IL16: variants seen among roughly 807,000 people sequenced by gnomAD.
IL16 encodes interleukin 16, also known as pro-interleukin-16.
In IL16, 67 loss-of-function variants were observed where a neutral mutation model predicts 110.1. That is an observed-to-expected ratio of 0.61 (90% CI 0.50 to 0.75). The LOEUF is 0.75. Ranked by LOEUF, IL16 falls within the 30% of genes least tolerant of loss-of-function variation. The probability of loss-of-function intolerance (pLI) is 0.00; values close to 1 mark genes in which losing one functional copy is unlikely to be tolerated. For synonymous variants in IL16, 689 were observed against 662.9 expected, an observed-to-expected ratio of 1.04 and a Z score of -0.61; for missense variants, 1,545 against 1,655.0, an observed-to-expected ratio of 0.93 and a Z score of 1.15.
chr15:81,299,126 A>G (rs1416861991), intron 13 of IL16, among the ~76,000 whole-genome samples: 8 of 152,148 alleles, frequency 5.3e-5, no homozygotes, highest in Non-Finnish European at 1.0e-4. Context: ...CGGCCCAGAT[A>G]TTCTCTGAGC....
intron 13 of IL16, among the ~76,000 whole-genome samples, chr15:81,297,791 G>A (rs1413049202): frequency 1.3e-5 from 2 of 152,142 alleles, no homozygotes; most frequent in Admixed American, 1.3e-4. Context: ...ATGCTGGGGG[G>A]AGAGAGAGAA....
intron 1 of IL16, among the ~76,000 whole-genome samples, chr15:81,207,755 CT>C (rs1268312942): frequency 4.0e-5 from 6 of 151,586 alleles, no homozygotes; most frequent in African/African-American, 1.5e-4. Context: ...ACCACATTTT[CT>C]TTACTCCACC....
At chr15:81,214,594 T>C (rs1490396205) in intron 1 of IL16, among the ~76,000 whole-genome samples, 1 of 152,128 alleles carries the variant, frequency 6.6e-6, no homozygotes, top group African/African-American at 2.4e-5. Flanking sequence ...CTGGTGACTA[T>C]GTGTCTTGGT....
At chr15:81,247,504 T>C (rs1396098666) in intron 2 of IL16, among the ~76,000 whole-genome samples, 1 of 152,190 alleles carries the variant, frequency 6.6e-6, no homozygotes, top group Admixed American at 6.5e-5. Flanking sequence ...AAAACCTTTT[T>C]CTTTTCGAGT....
chr15:81,266,197 A>G (rs1239460109), intron 4 of IL16, among the ~76,000 whole-genome samples: 2 of 152,168 alleles, frequency 1.3e-5, no homozygotes, highest in Non-Finnish European at 2.9e-5. Context: ...GCACATTCAC[A>G]CTGTTGAGGA....
intron 11 of IL16, chr15:81,292,101 C>T (rs1223221184): frequency 2.5e-6 from 1 of 392,198 alleles, no homozygotes; most frequent in East Asian, 7.2e-5. Context: ...GCTCTGCAGC[C>T]AAAGTCCCCA....
chr15:81,268,407 G>T (rs1396881941), intron 4 of IL16, among the ~76,000 whole-genome samples: 1 of 152,230 alleles, frequency 6.6e-6, no homozygotes, highest in Non-Finnish European at 1.5e-5. Context: ...CAGATACAGA[G>T]GCCAGGCTGA....
chr15:81,281,096 A>T lies in IL16; in HGVS notation c.1081+1322A>T, dbSNP rs529304545. ...ATCTTATGCAATTCTGACGCCCATTAGACTGAAAAACTTGCTCTAGTCAGG... is the reference window on the plus strand; with the variant it reads ...ATCTTATGCAATTCTGACGCCCATTTGACTGAAAAACTTGCTCTAGTCAGG... On this transcript the variant is annotated intron_variant, in intron 8 of 18. Coordinates refer to ENST00000683961, the MANE Select transcript of IL16 (RefSeq NM_172217.5). Among the ~76,000 whole-genome samples, 30 of 152,356 alleles carry T rather than the reference A, an allele frequency of 2.0e-4. 1 individual carries two copies. The South Asian group carries it at 4.4e-3, about 22-fold the overall frequency.
Position 81,243,163 on chromosome 15 carries a change from A to ATTTTTT in IL16, c.313-16584_313-16579dup, listed in dbSNP as rs1219851899. ...TATAAGTATATATATATATATATAT[A>ATTTTTT]TTTTTTTTTTTTTTTTTTTTTTTTT... On this transcript the variant is annotated intron_variant, in intron 2 of 18. Transcript: ENST00000683961. Among the ~76,000 whole-genome samples the ATTTTTT allele has an allele frequency of 4.3e-3, 65 of 15,034 alleles. 15 individuals carry two copies. The highest frequency in any genetic ancestry group is 6.7e-3 in the Non-Finnish European group (55 of 8,236). 9.9% of individuals were successfully genotyped at this position (15,034 alleles called of 152,430 possible). A position where few individuals can be genotyped will look rare whatever the true frequency, so the allele number is the denominator to read the frequency against.
chr15:81,281,748 A>G (rs1295606027), intron 8 of IL16, among the ~76,000 whole-genome samples: 2 of 152,198 alleles, frequency 1.3e-5, no homozygotes. Context: ...TCTCCAAGTT[A>G]TTTTGATTTT....
At chr15:81,246,162 CAG>C (rs1897540712) in intron 2 of IL16, among the ~76,000 whole-genome samples, 1 of 152,036 alleles carries the variant, frequency 6.6e-6, no homozygotes, top group Admixed American at 6.6e-5. Context: ...ATTAAAGAAA[CAG>C]AGTGGTTTTA....
intron 10 of IL16, among the ~76,000 whole-genome samples, chr15:81,289,424 C>T (rs1899604999): frequency 6.6e-6 from 1 of 152,174 alleles, no homozygotes; most frequent in Admixed American, 6.5e-5. Flanking sequence ...CATGAGCTAC[C>T]ATGCCCAGCC....
Position 81,196,950 on chromosome 15 carries a change from G to C in IL16, c.-304G>C, listed in dbSNP as rs773516652. 2.4e-6 allele frequency: 3 copies of C among 1,262,716 alleles called. No individual in the cohort carries two copies. The highest frequency in any genetic ancestry group is 1.6e-5 in the African/African-American group (1 of 64,416). The allele number at this position is 1,262,716 out of a possible 1,614,324, so 78.2% of individuals were successfully genotyped here. On this transcript the variant is annotated 5_prime_UTR_variant, in exon 1 of 19. Coordinates refer to ENST00000683961, the MANE Select transcript of IL16 (RefSeq NM_172217.5). Reference sequence around the variant, plus strand: ...TCCTACTCACGGCATCTCAACTATCGGAGCCTGGGATCTGACTCAAAGGCC... The same window carrying C: ...TCCTACTCACGGCATCTCAACTATCCGAGCCTGGGATCTGACTCAAAGGCC...
At chr15:81,187,669 G>C (rs752884641) in intron 1 of IL16, among the ~76,000 whole-genome samples, 8 of 152,116 alleles carry the variant, frequency 5.3e-5, no homozygotes, top group Non-Finnish European at 8.8e-5. Context: ...TTCAATTTTT[G>C]CTGATAATAC....
upstream of IL16, among the ~76,000 whole-genome samples, chr15:81,193,358 C>T (rs1239948698): frequency 1.3e-5 from 2 of 151,878 alleles, no homozygotes; most frequent in Non-Finnish European, 2.9e-5. Flanking sequence ...TAAGTTAAAC[C>T]CCAGCTGAAG....
chr15:81,289,087 C>T (rs894537426), intron 10 of IL16, among the ~76,000 whole-genome samples: 1 of 152,112 alleles, frequency 6.6e-6, no homozygotes, highest in African/African-American at 2.4e-5. Context: ...CACCATTTTA[C>T]ATTCTTATCA....
chr15:81,190,692 G>A (rs2141920746), intron 1 of IL16, among the ~76,000 whole-genome samples: 1 of 152,216 alleles, frequency 6.6e-6, no homozygotes, highest in African/African-American at 2.4e-5. Flanking sequence ...GAAGTTGAGG[G>A]GCCAAAGAAA....
exon 1 of IL16, chr15:81,182,817 A>T: frequency 7.8e-7 from 1 of 1,278,358 alleles, no homozygotes. Flanking sequence ...GTTTGGAGGA[A>T]CTTTTCACAG....
At chr15:81,211,238 A>T (rs1223743980) in intron 1 of IL16, among the ~76,000 whole-genome samples, 1 of 147,002 alleles carries the variant, frequency 6.8e-6, no homozygotes, top group Non-Finnish European at 1.5e-5. Context: ...TGTATTTTGA[A>T]TTCTTTTTTT....
Sources: gnomAD v4.1 joint callset for allele counts (sites outside exome capture counted in the v4.1 genomes callset) on GRCh38, gnomAD v4.1.1 for gene constraint, MANE v1.5 for transcripts, NCBI Gene and HGNC (gene_info 2026-07-23, HGNC 2026-07-21) for gene names.